The following TRMT1L variants were observed in gnomAD, a reference collection of about 807,000 sequenced individuals.
The protein encoded by TRMT1L is tRNA (guanine(27)-N(2))-dimethyltransferase.
In TRMT1L, 28 loss-of-function variants were observed where a neutral mutation model predicts 81.6. The observed-to-expected ratio is 0.34, with a 90% CI of 0.25 to 0.47. The LOEUF (loss-of-function observed/expected upper bound fraction) is 0.47, where lower values mean the gene tolerates loss of function less well. TRMT1L is among the 20% of genes least tolerant of loss of function. The probability of loss-of-function intolerance (pLI) is 1.00; values close to 1 mark genes in which losing one functional copy is unlikely to be tolerated. For synonymous variants in TRMT1L, 301 were observed against 303.2 expected, an observed-to-expected ratio of 0.99 and a Z score of 0.07; for missense variants, 739 against 877.1, an observed-to-expected ratio of 0.84 and a Z score of 1.99.
In TRMT1L at chr1:185,118,546, A is replaced by G. The variant is rs1335144788; in HGVS notation, c.*1473T>C. 1.3e-5 allele frequency: 2 copies of G among 152,116 alleles called. No individual in the cohort carries two copies. The highest frequency in any genetic ancestry group is 4.8e-5 in the African/African-American group (2 of 41,428). The allele number at this position is 152,116 out of a possible 1,614,324, so 9.4% of individuals were successfully genotyped here. On this transcript the variant is annotated 3_prime_UTR_variant, in exon 15 of 15. Coordinates refer to ENST00000367506, the MANE Select transcript of TRMT1L (RefSeq NM_030934.5). ...TTTATAGTAATTTTTAATTGAAAAA[A>G]ACCTCATTTATTCTGCTCATTTGCA...
intron 12 of TRMT1L, 35 bp downstream of exon 12, chr1:185,124,909 G>GT: frequency 6.3e-7 from 1 of 1,583,518 alleles, no homozygotes; most frequent in Non-Finnish European, 8.6e-7. Context: ...TTGGTAAGCA[G>GT]TTTAAAGCTA....
intron 13 of TRMT1L, among the ~76,000 whole-genome samples, chr1:185,121,056 G>A (rs1652488915): frequency 6.6e-6 from 1 of 152,074 alleles, no homozygotes; most frequent in East Asian, 1.9e-4. Flanking sequence ...ACTGACATAA[G>A]GTCAATGTTA....
intron 10 of TRMT1L, among the ~76,000 whole-genome samples, chr1:185,137,198 G>T (rs1652921942): frequency 6.6e-6 from 1 of 152,134 alleles, no homozygotes; most frequent in African/African-American, 2.4e-5. Flanking sequence ...CTGGCATATA[G>T]TAGAGGCTCA....
At chr1:185,125,679 T>C (rs965946604) in intron 11 of TRMT1L, among the ~76,000 whole-genome samples, 1 of 152,218 alleles carries the variant, frequency 6.6e-6, no homozygotes, top group South Asian at 2.1e-4. Flanking sequence ...GAAAATGTTA[T>C]ATGTGTATGT....
At position 185,142,744 on chromosome 1, in the gene TRMT1L, A is replaced by G. The variant is rs1653082768; in HGVS notation, c.859+613T>C. On this transcript the variant is annotated intron_variant, in intron 7 of 14. Transcript: ENST00000367506. ...AAGAACATGTTTTATGAGCCATAAC[A>G]ATACAATCAGCAAAAATCTAGACTG... Among the ~76,000 whole-genome samples the G allele has an allele frequency of 2.6e-5, 4 of 152,118 alleles. No individual in the cohort carries two copies. In the South Asian group the frequency reaches 8.3e-4, roughly 31 times the overall value.
chr1:185,153,060 C>A (rs1372105165), intron 1 of TRMT1L, among the ~76,000 whole-genome samples: 1 of 152,140 alleles, frequency 6.6e-6, no homozygotes, highest in Non-Finnish European at 1.5e-5. Context: ...TGACTGATTT[C>A]AAACAACCAA....
At position 185,143,546 on chromosome 1, in the gene TRMT1L, C is replaced by G. The variant is rs560557853; in HGVS notation, c.780-110G>C. Reference sequence around the variant, plus strand: ...TTCCTAGTTACTGTACAAACTATTTCAAAAGGAGACCTGAAAACATATTCT... The same window carrying G: ...TTCCTAGTTACTGTACAAACTATTTGAAAAGGAGACCTGAAAACATATTCT... On this transcript the variant is annotated intron_variant, in intron 6 of 14. Coordinates refer to ENST00000367506, the MANE Select transcript of TRMT1L (RefSeq NM_030934.5). 17 of 865,878 alleles carry G rather than the reference C, an allele frequency of 2.0e-5. No homozygotes were observed. The African/African-American group carries it at 3.0e-4, about 15-fold the overall frequency. The allele number at this position is 865,878 out of a possible 1,614,324, so 53.6% of individuals were successfully genotyped here. A position where few individuals can be genotyped will look rare whatever the true frequency, so the allele number is the denominator to read the frequency against.
rs1652425110 is a variant in TRMT1L at position 185,118,846 on chromosome 1, T to G, written c.*1173A>C. On this transcript the variant is annotated 3_prime_UTR_variant, in exon 15 of 15. Coordinates refer to ENST00000367506, the MANE Select transcript of TRMT1L (RefSeq NM_030934.5). ...GTACTTTTTTCTTAGGTAGTATATTTAAACCTTTCAGTTATAATTATTACC... is the reference window on the plus strand; with the variant it reads ...GTACTTTTTTCTTAGGTAGTATATTGAAACCTTTCAGTTATAATTATTACC... The G allele has an allele frequency of 6.6e-6, 1 of 152,060 alleles. No homozygotes were observed. The highest frequency in any genetic ancestry group is 2.4e-5 in the African/African-American group (1 of 41,442). 9.4% of individuals were successfully genotyped at this position (152,060 alleles called of 1,614,324 possible).
chr1:185,156,646 G>C lies in TRMT1L; in HGVS notation c.67C>G (p.Gln23Glu). 6.2e-7 allele frequency: 1 copy of C among 1,610,030 alleles called. No individual in the cohort carries two copies. Among genetic ancestry groups the C allele is most frequent in the East Asian group, 2.2e-5 (1 of 44,710 alleles). ...EKEEVEVAQV[Q>E]VPTPARDSAG... is the part of the protein sequence containing the mutation. ...GAGTCCCGGGCCGGGGTCGGGACCTGGACCTGGGCCACCTCCACCTCCTCC... is the reference window on the plus strand; with the variant it reads ...GAGTCCCGGGCCGGGGTCGGGACCTCGACCTGGGCCACCTCCACCTCCTCC... The change falls in exon 1 of 15, where the codon CAG (glutamine) becomes GAG (glutamate). Residue 23 changes from glutamine to glutamate, a missense_variant. Gln to Glu is a conservative substitution (Grantham distance 29). Coordinates refer to ENST00000367506, the MANE Select transcript of TRMT1L (RefSeq NM_030934.5).
At position 185,145,421 on chromosome 1, in the gene TRMT1L, T is replaced by C; in HGVS notation, c.655+18A>G. 1 of 1,603,232 alleles carries C rather than the reference T, an allele frequency of 6.2e-7. No individual in the cohort carries two copies. Among genetic ancestry groups the C allele is most frequent in the South Asian group, 1.1e-5 (1 of 90,042 alleles). ...AAGGATTTACATATTAATATGTTAA[T>C]GAGATTGCTCAACTTACCTGCAATA... On this transcript the variant is annotated intron_variant, in intron 5 of 14. Transcript: ENST00000367506.
rs373619409 is a variant in TRMT1L, at chr1:185,151,950, T to C, written c.236-15A>G. 11 of 1,510,664 alleles carry C rather than the reference T, an allele frequency of 7.3e-6. No homozygotes were observed. Among genetic ancestry groups the C allele is most frequent in the Admixed American group, 2.1e-5 (1 of 48,588 alleles). The allele number at this position is 1,510,664 out of a possible 1,614,324, so 93.6% of individuals were successfully genotyped here. A position where few individuals can be genotyped will look rare whatever the true frequency, so the allele number is the denominator to read the frequency against. On this transcript the variant is annotated splice_polypyrimidine_tract_variant and intron_variant, in intron 1 of 14. Coordinates refer to ENST00000367506, the MANE Select transcript of TRMT1L (RefSeq NM_030934.5). The stretch of plus-strand genomic sequence containing the variant: ...GATGTGTCTCTCTGAAAAAAAAAAT[T>C]GAGAAGATTATGCTTTAACAGTTTG...
chr1:185,132,967 C>T (rs887685750), intron 10 of TRMT1L, among the ~76,000 whole-genome samples: 1 of 152,118 alleles, frequency 6.6e-6, no homozygotes, highest in African/African-American at 2.4e-5. Context: ...GAAGCCCTTG[C>T]ACAACAGATT....
chr1:185,151,858 C>G lies in TRMT1L; in HGVS notation c.313G>C (p.Ala105Pro), dbSNP rs1653359592. 5 of 1,598,162 alleles carry G rather than the reference C, an allele frequency of 3.1e-6. No homozygotes were observed. In the South Asian group the frequency reaches 5.6e-5, roughly 18 times the overall value. ...AGATTATCTGAGTTCAATGAGCTGG[C>G]AGAGTCAAAATTTCCATCAGTTACA... is the stretch of plus-strand genomic sequence containing the variant. ...AFVTDGNFDS[A>P]SSLNSDNLDA... Residue 105 changes from alanine to proline, a missense_variant, in exon 2 of 15, where the codon GCC becomes CCC. Physicochemically the swap from Ala to Pro is conservative, Grantham distance 27. Around this residue, in one of 4 missense-constraint regions of TRMT1L, gnomAD observed 209 missense variants for 165.4 expected, o/e 1.26. Transcript: ENST00000367506.
chr1:185,140,394 T>A (rs1653006557), intron 7 of TRMT1L, among the ~76,000 whole-genome samples, 172 bp from the exon 8 acceptor site: 1 of 152,220 alleles, frequency 6.6e-6, no homozygotes, highest in African/African-American at 2.4e-5. Context: ...TAACTAAAAA[T>A]CTGTCTAACA....
rs1652456279 is a variant in TRMT1L, at chr1:185,119,944, A to G, written c.*75T>C. On this transcript the variant is annotated 3_prime_UTR_variant, in exon 15 of 15. Transcript: ENST00000367506. ...TTACTCTACTGAATTGAAAGAACAG[A>G]AAAAGAACTACAGTTGGTATAGAGA... is the stretch of plus-strand genomic sequence containing the variant. 1 of 1,423,550 alleles carries G rather than the reference A, an allele frequency of 7.0e-7. No individual in the cohort carries two copies. The highest frequency in any genetic ancestry group is 2.1e-5 in the Admixed American group (1 of 47,994). 88.2% of individuals were successfully genotyped at this position (1,423,550 alleles called of 1,614,324 possible).
chr1:185,128,955 CAT>C (rs1034612177), intron 10 of TRMT1L, among the ~76,000 whole-genome samples: 8 of 151,944 alleles, frequency 5.3e-5, no homozygotes, highest in South Asian at 2.1e-4. Flanking sequence ...CACACACACA[CAT>C]ATATATATTT....
At position 185,144,046 on chromosome 1, in the gene TRMT1L, A is replaced by G; in HGVS notation, c.656-17T>C. 1.9e-6 allele frequency: 3 copies of G among 1,561,480 alleles called. No individual in the cohort carries two copies. The highest frequency in any genetic ancestry group is 2.6e-6 in the Non-Finnish European group (3 of 1,157,956). ...CAGTGGAAGCTAAGATGGAAAAAAGAAAAGATTTCCAGGGAAACACAAAAT... is the reference window on the plus strand; with the variant it reads ...CAGTGGAAGCTAAGATGGAAAAAAGGAAAGATTTCCAGGGAAACACAAAAT... On this transcript the variant is annotated splice_polypyrimidine_tract_variant and intron_variant, in intron 5 of 14. Transcript: ENST00000367506.
chr1:185,146,261 C>A (rs1653185146), intron 4 of TRMT1L, among the ~76,000 whole-genome samples: 1 of 151,988 alleles, frequency 6.6e-6, no homozygotes, highest in Non-Finnish European at 1.5e-5. Flanking sequence ...TTTGAGCCAG[C>A]TCCAGTACCC....
intron 1 of TRMT1L, among the ~76,000 whole-genome samples, chr1:185,155,739 G>T (rs1035627287): frequency 6.6e-6 from 1 of 152,138 alleles, no homozygotes; most frequent in African/African-American, 2.4e-5. Flanking sequence ...TTACTCATCA[G>T]TCTTTTAAAT....
Sources: allele counts gnomAD v4.1 joint callset (sites outside exome capture counted in the v4.1 genomes callset), GRCh38; gene constraint gnomAD v4.1.1; regional missense constraint gnomAD v4.1.1; transcripts MANE v1.5; gene names NCBI Gene and HGNC (gene_info 2026-07-23, HGNC 2026-07-21).